The following CTPS2 variants were observed in gnomAD, a reference collection of about 807,000 sequenced individuals.
The protein encoded by CTPS2 is CTP synthase II.
Under a neutral mutation model 46.8 loss-of-function variants are expected in CTPS2, and 19 were observed. The observed-to-expected ratio is 0.41, with a 90% confidence interval of 0.28 to 0.60. The LOEUF (loss-of-function observed/expected upper bound fraction) is 0.60, where lower values mean the gene tolerates loss of function less well. CTPS2 is among the 20% of genes least tolerant of loss of function. The pLI, the probability that CTPS2 is intolerant of heterozygous loss-of-function variation, is 0.35. For synonymous variants in CTPS2, 151 were observed against 165.2 expected, an observed-to-expected ratio of 0.91 and a Z score of 0.66; for missense variants, 286 against 447.6, an observed-to-expected ratio of 0.64 and a Z score of 3.26.
At chrX:16,677,085 G>A (rs1922344052) in intron 10 of CTPS2, among the ~76,000 whole-genome samples, 2 of 108,809 alleles carry the variant, frequency 1.8e-5, no homozygotes, top group African/African-American at 6.7e-5. Flanking sequence ...AAAACAAGAG[G>A]GATGGGTAAC....
chrX:16,590,757 C>G lies in CTPS2; in HGVS notation c.*36G>C, dbSNP rs776554892. On this transcript the variant is annotated 3_prime_UTR_variant, in exon 18 of 19. Transcript: ENST00000359276. The stretch of plus-strand genomic sequence containing the variant: ...CCTCGAAGATTCCATCTTACCCTCA[C>G]AGGCAGTCCCCATTATTCCCAGTCA... The G allele has an allele frequency of 2.0e-6, 2 of 1,002,507 alleles. No individual in the cohort carries two copies. The highest frequency in any genetic ancestry group is 2.8e-6 in the Non-Finnish European group (2 of 709,427). The allele number at this position is 1,002,507 out of a possible 1,213,427, so 82.6% of individuals were successfully genotyped here. A position where few individuals can be genotyped will look rare whatever the true frequency, so the allele number is the denominator to read the frequency against.
At chrX:16,672,271 A>G (rs1921812565) in intron 10 of CTPS2, among the ~76,000 whole-genome samples, 1 of 111,141 alleles carries the variant, frequency 9.0e-6, no homozygotes, top group South Asian at 3.8e-4. Context: ...TCAAAAGGGG[A>G]AACTTGAGAG....
intron 13 of CTPS2, among the ~76,000 whole-genome samples, chrX:16,659,791 C>T (rs1932902203): frequency 9.0e-6 from 1 of 111,391 alleles, no homozygotes; most frequent in Non-Finnish European, 1.9e-5. Flanking sequence ...AAGCAAATTT[C>T]AGCCTCCCGA....
intron 13 of CTPS2, among the ~76,000 whole-genome samples, chrX:16,639,925 G>A (rs185870594): frequency 2.7e-5 from 3 of 111,195 alleles, no homozygotes; most frequent in African/African-American, 3.3e-5. Context: ...ACCCTTGATC[G>A]CTCCCTCTCC....
chrX:16,601,135 A>G (rs1929629440), intron 17 of CTPS2, among the ~76,000 whole-genome samples: 1 of 111,979 alleles, frequency 8.9e-6, no homozygotes, highest in African/African-American at 3.2e-5. Flanking sequence ...GTCAAAAAGC[A>G]AAGTGATTCC....
intron 7 of CTPS2, among the ~76,000 whole-genome samples, chrX:16,691,070 A>G (rs1477588629): frequency 8.9e-6 from 1 of 112,706 alleles, no homozygotes; most frequent in East Asian, 2.8e-4. Context: ...TAATCCCAGC[A>G]CTATGGGAGG....
intron 13 of CTPS2, among the ~76,000 whole-genome samples, chrX:16,661,640 T>A (rs1025348490): frequency 8.9e-6 from 1 of 112,267 alleles, no homozygotes; most frequent in Non-Finnish European, 1.9e-5. Flanking sequence ...AAATCTACTA[T>A]GGTAGATGTA....
At chrX:16,690,102 G>A (rs946391994) in intron 7 of CTPS2, among the ~76,000 whole-genome samples, 1 of 107,691 alleles carries the variant, frequency 9.3e-6, no homozygotes, top group Non-Finnish European at 1.9e-5. Context: ...CAGGTGTGGT[G>A]GCTCACGCCT....
intron 13 of CTPS2, among the ~76,000 whole-genome samples, chrX:16,654,163 G>A (rs995919939): frequency 3.6e-5 from 4 of 112,413 alleles, no homozygotes; most frequent in African/African-American, 1.3e-4. Context: ...ATTAAAATAC[G>A]CATTGTATTA....
chrX:16,677,882 G>A (rs5980314), intron 10 of CTPS2, among the ~76,000 whole-genome samples: 62,474 of 110,415 alleles, frequency 0.57, 14,725 homozygotes, highest in African/African-American at 0.91. Context: ...TCTTTAGCAT[G>A]TAACCAAGAA....
Position 16,615,132 on chromosome X carries a change from C to T in CTPS2, c.1546+2018G>A, listed in dbSNP as rs182072811. On this transcript the variant is annotated intron_variant, in intron 16 of 18. Coordinates refer to ENST00000359276, the MANE Select transcript of CTPS2 (RefSeq NM_175859.3). ...TGGTGGTTACAGTGAGCCAAGATCG[C>T]GCCACTGCACTCCAGCTTGGGCAAC... Among the ~76,000 whole-genome samples the T allele has an allele frequency of 5.5e-5, 6 of 110,085 alleles. No homozygotes were observed. In the East Asian group the frequency reaches 8.6e-4, roughly 16 times the overall value.
chrX:16,597,404 T>C (rs1325734130), intron 17 of CTPS2, among the ~76,000 whole-genome samples: 1 of 112,145 alleles, frequency 8.9e-6, no homozygotes, highest in Admixed American at 9.5e-5. Flanking sequence ...TTTCAGCCTT[T>C]TACATATGGC....
chrX:16,658,461 A>G (rs1932871521), intron 13 of CTPS2, among the ~76,000 whole-genome samples: 2 of 112,347 alleles, frequency 1.8e-5, no homozygotes, highest in South Asian at 3.7e-4. Flanking sequence ...AAATGTTATG[A>G]TGAGTAGATT....
chrX:16,656,503 G>C (rs939045448), intron 13 of CTPS2, among the ~76,000 whole-genome samples: 2 of 109,679 alleles, frequency 1.8e-5, no homozygotes, highest in African/African-American at 6.7e-5. Context: ...TCTGCCTTCC[G>C]GGTTCACGGC....
intron 1 of CTPS2, among the ~76,000 whole-genome samples, chrX:16,710,295 T>C (rs1159727439): frequency 8.9e-6 from 1 of 112,520 alleles, no homozygotes; most frequent in Non-Finnish European, 1.9e-5. Flanking sequence ...TTAGCTCATC[T>C]GTCCCTGCTT....
chrX:16,683,071 C>T, intron 9 of CTPS2, 23 bp downstream of exon 9: 1 of 1,208,611 alleles, frequency 8.3e-7, no homozygotes, highest in Non-Finnish European at 1.1e-6. Flanking sequence ...CTGAGATAGC[C>T]AAAAGACCAG....
Position 16,689,515 on chromosome X carries a change from T to A in CTPS2, c.807A>T (p.Arg269Ser). Residue 269 changes from arginine to serine, a missense_variant, in exon 8 of 19, where the codon AGA (arginine) becomes AGT (serine). Coordinates refer to ENST00000359276, the MANE Select transcript of CTPS2 (RefSeq NM_175859.3). Reference protein sequence around the residue: ...EQSIVKYFKERLHLPIGDSAS... With the variant: ...EQSIVKYFKESLHLPIGDSAS... Reference sequence around the variant, plus strand: ...CAGAATCACCGATGGGCAGGTGCAATCTCTCCTTAAAATATTTCACAATGC... The same window carrying A: ...CAGAATCACCGATGGGCAGGTGCAAACTCTCCTTAAAATATTTCACAATGC... The A allele has an allele frequency of 8.3e-7, 1 of 1,210,831 alleles. No individual in the cohort carries two copies. The highest frequency in any genetic ancestry group is 1.1e-6 in the Non-Finnish European group (1 of 894,947).
chrX:16,691,441 T>C, intron 7 of CTPS2, 99 bp downstream of exon 7: 1 of 713,670 alleles, frequency 1.4e-6, no homozygotes, highest in South Asian at 2.4e-5. Context: ...AGTGCTTGCA[T>C]AAATGCCGTG....
chrX:16,620,136 G>C, intron 15 of CTPS2, 141 bp downstream of exon 15: 1 of 488,440 alleles, frequency 2.0e-6, no homozygotes, highest in Admixed American at 3.3e-5. Flanking sequence ...CTGGAAGTGG[G>C]AGACTGTGGG....
Sources: allele counts gnomAD v4.1 joint callset (sites outside exome capture counted in the v4.1 genomes callset), GRCh38; gene constraint gnomAD v4.1.1; transcripts MANE v1.5; gene names NCBI Gene and HGNC (gene_info 2026-07-23, HGNC 2026-07-21).